KATNIP: variants seen among roughly 807,000 people sequenced by gnomAD.
KATNIP encodes the protein katanin interacting protein.
Under a neutral mutation model 174.0 loss-of-function variants are expected in KATNIP, and 126 were observed. The observed-to-expected ratio is 0.72, with a 90% CI of 0.63 to 0.84. The LOEUF is 0.84. Ranked by LOEUF, KATNIP falls within the 40% of genes least tolerant of loss-of-function variation. The probability of loss-of-function intolerance (pLI) is 0.00; values close to 1 mark genes in which losing one functional copy is unlikely to be tolerated. For synonymous variants in KATNIP, 810 were observed against 835.7 expected (o/e 0.97, Z 0.53); for missense variants, 1,958 against 2,109.7 (o/e 0.93, Z 1.41).
chr16:27,593,065 T>G lies in KATNIP; in HGVS notation c.63+19109T>G, dbSNP rs1663091010. On this transcript the variant is annotated intron_variant, in intron 2 of 27. Coordinates refer to ENST00000261588, the MANE Select transcript of KATNIP (RefSeq NM_015202.5). ...CTGGGAGGTCCCCTCTCTGTAGCTCTTATCTATCTACCTCTCTGCTTCTGT... is the reference window on the plus strand; with the variant it reads ...CTGGGAGGTCCCCTCTCTGTAGCTCGTATCTATCTACCTCTCTGCTTCTGT... 3.3e-5 allele frequency among the ~76,000 whole-genome samples: 5 copies of G among 152,328 alleles called. 1 individual carries two copies. The highest frequency in any genetic ancestry group is 2.0e-4 in the Admixed American group (3 of 15,302).
rs536225135 is a variant in KATNIP at position 27,732,426 on chromosome 16, T to A, written c.1744-7615T>A. ...AAACCAGAACTCCCTGTAAGTTTAGTCCCCAGAGCAAGACCTCAAGACAGA... is the reference window on the plus strand; with the variant it reads ...AAACCAGAACTCCCTGTAAGTTTAGACCCCAGAGCAAGACCTCAAGACAGA... On this transcript the variant is annotated intron_variant, in intron 14 of 27. Coordinates refer to ENST00000261588, the MANE Select transcript of KATNIP (RefSeq NM_015202.5). Among the ~76,000 whole-genome samples the A allele has an allele frequency of 5.3e-5, 8 of 152,276 alleles. No homozygotes were observed. In the South Asian group the frequency reaches 1.5e-3, roughly 28 times the overall value.
At chr16:27,577,388 T>TA (rs1466438328) in intron 2 of KATNIP, among the ~76,000 whole-genome samples, 7 of 151,318 alleles carry the variant, frequency 4.6e-5, no homozygotes, top group African/African-American at 1.7e-4. Flanking sequence ...ACAAAAAAAT[T>TA]AAAAAAATTA....
At chr16:27,583,573 T>TG (rs1453599349) in intron 2 of KATNIP, among the ~76,000 whole-genome samples, 6 of 152,156 alleles carry the variant, frequency 3.9e-5, no homozygotes, top group Non-Finnish European at 8.8e-5. Context: ...TGCCAGGCCA[T>TG]GGGGGCTTCA....
At position 27,740,632 on chromosome 16, in the gene KATNIP, G is replaced by A. The variant is rs376988030; in HGVS notation, c.2335G>A (p.Glu779Lys). The A allele has an allele frequency of 1.7e-5, 27 of 1,614,086 alleles. No individual in the cohort carries two copies. The highest frequency in any genetic ancestry group is 8.0e-5 in the African/African-American group (6 of 74,936). Residue 779 changes from glutamate to lysine, a missense_variant, in exon 15 of 28, where the codon GAG (glutamate) becomes AAG (lysine). Physicochemically the swap from Glu to Lys is moderately conservative, Grantham distance 56. Around this residue, in one of 3 missense-constraint regions of KATNIP, gnomAD observed 1,557 missense variants for 1,617.8 expected, o/e 0.96. Coordinates refer to ENST00000261588, the MANE Select transcript of KATNIP (RefSeq NM_015202.5). ...GCCAAAACCCCTCTGGCTTAGTCCCGAGAAGCCCCTGGCCTGGAAGGGCAG... is the reference window on the plus strand; with the variant it reads ...GCCAAAACCCCTCTGGCTTAGTCCCAAGAAGCCCCTGGCCTGGAAGGGCAG... ...RKPKPLWLSP[E>K]KPLAWKGRLP...
intron 15 of KATNIP, among the ~76,000 whole-genome samples, chr16:27,742,495 G>T (rs1285186586): frequency 6.6e-6 from 1 of 152,156 alleles, no homozygotes; most frequent in Non-Finnish European, 1.5e-5. Context: ...CTCACCCCTA[G>T]AGCCTCTGGA....
At chr16:27,696,603 C>T (rs1490835734) in intron 8 of KATNIP, among the ~76,000 whole-genome samples, 1 of 152,126 alleles carries the variant, frequency 6.6e-6, no homozygotes, top group Non-Finnish European at 1.5e-5. Flanking sequence ...GTTTTCTGTT[C>T]CCATGTTAGT....
chr16:27,756,816 G>A (rs1333422251), intron 18 of KATNIP, among the ~76,000 whole-genome samples: 2 of 152,144 alleles, frequency 1.3e-5, no homozygotes, highest in Admixed American at 6.5e-5. Context: ...ACACAGCTGC[G>A]TTCAGTTACG....
chr16:27,726,281 A>G (rs2080447020), intron 14 of KATNIP, among the ~76,000 whole-genome samples: 1 of 152,136 alleles, frequency 6.6e-6, no homozygotes, highest in Non-Finnish European at 1.5e-5. Context: ...ATCTTCCACA[A>G]AACCAGTCCC....
chr16:27,693,492 G>A (rs1035754797), intron 8 of KATNIP, among the ~76,000 whole-genome samples: 2 of 152,004 alleles, frequency 1.3e-5, no homozygotes, highest in Admixed American at 1.3e-4. Context: ...GGGTTCAAGC[G>A]ATTCTCCTGC....
At chr16:27,614,797 C>T (rs796656265) in intron 2 of KATNIP, among the ~76,000 whole-genome samples, 15 of 152,068 alleles carry the variant, frequency 9.9e-5, no homozygotes, top group African/African-American at 3.4e-4. Flanking sequence ...AGAGGGAAGT[C>T]GGGAAGGAAA....
chr16:27,606,150 G>T (rs188446383), intron 2 of KATNIP, among the ~76,000 whole-genome samples: 42 of 152,148 alleles, frequency 2.8e-4, no homozygotes, highest in Admixed American at 2.6e-3. Context: ...AGAAAAAGAA[G>T]CAGGCTCAGA....
intron 8 of KATNIP, among the ~76,000 whole-genome samples, chr16:27,697,045 C>G (rs1202129013): frequency 6.6e-6 from 1 of 152,124 alleles, no homozygotes; most frequent in African/African-American, 2.4e-5. Flanking sequence ...TTTTCTTTAT[C>G]CAGTCTACTG....
chr16:27,562,622 T>G (rs766943705), intron 1 of KATNIP, among the ~76,000 whole-genome samples: 84 of 152,200 alleles, frequency 5.5e-4, no homozygotes, highest in Non-Finnish European at 9.6e-4. Context: ...TCTTCACTCA[T>G]ACACTATGGG....
Position 27,754,205 on chromosome 16 carries a change from T to G in KATNIP, c.3585T>G (p.Pro1195=). The change falls in exon 18 of 28, where the codon CCT becomes CCG. Residue 1195 remains proline (P), a synonymous_variant. Coordinates refer to ENST00000261588, the MANE Select transcript of KATNIP (RefSeq NM_015202.5). ...AGCTAGAGCTCCCATCCAGTTCCCC[T>G]GTCCCCCAAGTCACCACGCCAGAGC... is the stretch of plus-strand genomic sequence containing the variant. The part of the protein sequence containing the change: ...IPELELPSSS[P]VPQVTTPEPG... 1 of 1,614,186 alleles carries G rather than the reference T, an allele frequency of 6.2e-7. No homozygotes were observed. The highest frequency in any genetic ancestry group is 8.5e-7 in the Non-Finnish European group (1 of 1,179,994).
chr16:27,589,076 T>TG (rs1567466896), intron 2 of KATNIP, among the ~76,000 whole-genome samples: 1 of 151,658 alleles, frequency 6.6e-6, no homozygotes, highest in East Asian at 1.9e-4. Flanking sequence ...TTGTATTTTT[T>TG]TTTTTTTTTA....
intron 5 of KATNIP, among the ~76,000 whole-genome samples, chr16:27,633,455 A>G (rs1022983235): frequency 1.3e-5 from 2 of 148,572 alleles, no homozygotes; most frequent in African/African-American, 5.0e-5. Flanking sequence ...TTATTTTTAT[A>G]TATTTTTTAT....
chr16:27,616,387 C>A (rs574044297), intron 2 of KATNIP, among the ~76,000 whole-genome samples: 5 of 151,544 alleles, frequency 3.3e-5, no homozygotes, highest in Non-Finnish European at 7.4e-5. Flanking sequence ...AAAGAAAAAG[C>A]AAATTGCAAA....
At chr16:27,564,579 C>A (rs892814833) in intron 1 of KATNIP, among the ~76,000 whole-genome samples, 3 of 151,982 alleles carry the variant, frequency 2.0e-5, no homozygotes, top group Non-Finnish European at 4.4e-5. Context: ...GGTAATTTGG[C>A]AGTAAACTGG....
At chr16:27,648,133 A>G (rs2077012150) in intron 5 of KATNIP, among the ~76,000 whole-genome samples, 1 of 152,108 alleles carries the variant, frequency 6.6e-6, no homozygotes, top group Non-Finnish European at 1.5e-5. Flanking sequence ...CGTCTCTACT[A>G]AAAATACAGA....
Sources: allele counts gnomAD v4.1 joint callset (sites outside exome capture counted in the v4.1 genomes callset), GRCh38; gene constraint gnomAD v4.1.1; regional missense constraint gnomAD v4.1.1; transcripts MANE v1.5; gene names NCBI Gene and HGNC (gene_info 2026-07-23, HGNC 2026-07-21).